Variants in SLC66A2 observed in about 807,000 individuals in gnomAD.
SLC66A2 encodes PQ loop repeat containing 1.
Under a neutral mutation model 25.5 loss-of-function variants are expected in SLC66A2, and 23 were observed. That is an observed-to-expected ratio of 0.90 (90% CI 0.65 to 1.28). SLC66A2 has a LOEUF of 1.28. Ranked by LOEUF, SLC66A2 falls within the 50% of genes most tolerant of loss-of-function variation. The pLI is 0.00. For missense variants in SLC66A2, 396 were observed against 373.1 expected (o/e 1.06, Z -0.51); for synonymous variants, 193 against 166.5 (o/e 1.16, Z -1.23).
intron 5 of SLC66A2, among the ~76,000 whole-genome samples, chr18:79,906,659 C>T (rs185141748): frequency 3.1e-4 from 47 of 152,330 alleles, no homozygotes; most frequent in African/African-American, 1.0e-3. Flanking sequence ...GAATGCCCAA[C>T]GGGCATCTGA....
At position 79,904,534 on chromosome 18, in the gene SLC66A2, G is replaced by A. The variant is rs1022375975; in HGVS notation, c.609-351C>T. Among the ~76,000 whole-genome samples the A allele has an allele frequency of 3.3e-5, 5 of 152,138 alleles. No homozygotes were observed. Among genetic ancestry groups the A allele is most frequent in the Admixed American group, 6.5e-5 (1 of 15,286 alleles). On this transcript the variant is annotated intron_variant, in intron 5 of 5. Transcript: ENST00000397778. This position sits in a 1 kb window ranked among gnomAD's most constrained non-coding sequence, Gnocchi z 6.3. Reference sequence around the variant, plus strand: ...AGCCCAAGAACAGTGAGACCAGCTCGAGGCTACAGGGGACAGCAGGGCGAG... The same window carrying A: ...AGCCCAAGAACAGTGAGACCAGCTCAAGGCTACAGGGGACAGCAGGGCGAG...
intron 4 of SLC66A2, among the ~76,000 whole-genome samples, chr18:79,931,181 G>A (rs572006205): frequency 1.3e-5 from 2 of 152,288 alleles, no homozygotes; most frequent in African/African-American, 4.8e-5. Flanking sequence ...AGGATATACA[G>A]AAACCAGAAA....
rs377124453 is a variant in SLC66A2, at chr18:79,916,271, G to A, written c.608+2913C>T. On this transcript the variant is annotated intron_variant, in intron 5 of 5. Coordinates refer to ENST00000397778, the MANE Select transcript of SLC66A2 (RefSeq NM_025078.5). Reference sequence around the variant, plus strand: ...GTGCTCTCATAGCCGCAGTGCTCCCGTACCCGTGGTGCTCCCGTACCCGTG... The same window carrying A: ...GTGCTCTCATAGCCGCAGTGCTCCCATACCCGTGGTGCTCCCGTACCCGTG... Among the ~76,000 whole-genome samples the A allele has an allele frequency of 5.1e-5, 7 of 136,334 alleles. 1 individual carries two copies. Among genetic ancestry groups the A allele is most frequent in the South Asian group, 2.6e-4 (1 of 3,818 alleles). The allele number at this position is 136,334 out of a possible 152,430, so 89.4% of individuals were successfully genotyped here. A position where few individuals can be genotyped will look rare whatever the true frequency, so the allele number is the denominator to read the frequency against.
rs772414143 is a variant in SLC66A2, at chr18:79,943,323, A to ATT, written c.337+5_337+6insAA. 9.0e-5 allele frequency: 145 copies of ATT among 1,610,672 alleles called. 1 individual carries two copies. The African/African-American group carries it at 1.7e-3, about 19-fold the overall frequency. The stretch of plus-strand genomic sequence containing the variant: ...GCGACTTTATTCCGAAGCGCCGGCC[A>ATT]CCAACCTGTAAAGGAGCGGCGCCTG... On this transcript the variant is annotated splice_donor_region_variant and intron_variant, in intron 3 of 5. Transcript: ENST00000397778.
At position 79,937,791 on chromosome 18, in the gene SLC66A2, CCA is replaced by C. The variant is rs1346567411; in HGVS notation, c.338-3771_338-3770del. ...CAAGGACAGAACACCTTGTCCTTGT[CCA>C]CATCCCAGGGACATAAAGACACGAG... On this transcript the variant is annotated intron_variant, in intron 3 of 5. Transcript: ENST00000397778. The surrounding 1 kb of genome is among the most constrained non-coding windows in gnomAD (Gnocchi z 5.4). Among the ~76,000 whole-genome samples, 1 of 152,052 alleles carries C rather than the reference CCA, an allele frequency of 6.6e-6. No individual in the cohort carries two copies. Among genetic ancestry groups the C allele is most frequent in the Non-Finnish European group, 1.5e-5 (1 of 68,012 alleles).
At chr18:79,905,099 G>A (rs1481711163) in intron 5 of SLC66A2, among the ~76,000 whole-genome samples, 3 of 152,190 alleles carry the variant, frequency 2.0e-5, no homozygotes, top group Non-Finnish European at 4.4e-5. Context: ...GAGACAGCCG[G>A]CATCTGCACC....
At chr18:79,943,618 C>T in intron 2 of SLC66A2, 156 bp from the exon 3 acceptor site, 1 of 851,982 alleles carries the variant, frequency 1.2e-6, no homozygotes, top group Non-Finnish European at 1.8e-6. Flanking sequence ...GTGTCAGGCC[C>T]ACCCACATCG....
rs1419795941 is a variant in SLC66A2, at chr18:79,917,047, AAGTG to A, written c.608+2133_608+2136del. Among the ~76,000 whole-genome samples, 9 of 152,326 alleles carry A rather than the reference AAGTG, an allele frequency of 5.9e-5. No individual in the cohort carries two copies. The highest frequency in any genetic ancestry group is 2.1e-4 in the South Asian group (1 of 4,832). On this transcript the variant is annotated intron_variant, in intron 5 of 5. Coordinates refer to ENST00000397778, the MANE Select transcript of SLC66A2 (RefSeq NM_025078.5). This position sits in a 1 kb window ranked among gnomAD's most constrained non-coding sequence, Gnocchi z 6.0. Reference sequence around the variant, plus strand: ...GGAAGTGTGTGTGCTGCTTGTGGTGAAGTGAGTGAGAACAGGAAAAGCACGTCCA... The same window carrying A: ...GGAAGTGTGTGTGCTGCTTGTGGTGAAGTGAGAACAGGAAAAGCACGTCCA...
intron 4 of SLC66A2, among the ~76,000 whole-genome samples, chr18:79,929,020 G>A (rs1290551068): frequency 2.0e-5 from 3 of 152,196 alleles, no homozygotes; most frequent in Non-Finnish European, 4.4e-5. Flanking sequence ...GAGCTCCGTA[G>A]CTCTCCCTAG....
At position 79,927,977 on chromosome 18, in the gene SLC66A2, CT is replaced by C. The variant is rs1986169900; in HGVS notation, c.391+5991del. On this transcript the variant is annotated intron_variant, in intron 4 of 5. Coordinates refer to ENST00000397778, the MANE Select transcript of SLC66A2 (RefSeq NM_025078.5). This position sits in a 1 kb window ranked among gnomAD's most constrained non-coding sequence, Gnocchi z 6.2. ...TCAGCCTCCTCTCATCTTCAGGAGC[CT>C]TTTCCCCCCTTTACCCTAACTGACA... 6.6e-6 allele frequency among the ~76,000 whole-genome samples: 1 copy of C among 152,226 alleles called. No individual in the cohort carries two copies. Among genetic ancestry groups the C allele is most frequent in the Non-Finnish European group, 1.5e-5 (1 of 68,042 alleles).
rs1028683761 is a variant in SLC66A2, at chr18:79,903,448, G to A, written c.*528C>T. 3 of 155,028 alleles carry A rather than the reference G, an allele frequency of 1.9e-5. No individual in the cohort carries two copies. The highest frequency in any genetic ancestry group is 2.0e-4 in the South Asian group (1 of 5,018). The allele number at this position is 155,028 out of a possible 1,614,324, so 9.6% of individuals were successfully genotyped here. ...CCTGCGTCCGCACAGCCGCCTTTCC[G>A]TGTGTACCAGGCAGAGAAAGCCCCA... On this transcript the variant is annotated 3_prime_UTR_variant, in exon 6 of 6. Transcript: ENST00000397778.
At chr18:79,905,097 C>T (rs955221694) in intron 5 of SLC66A2, among the ~76,000 whole-genome samples, 5 of 152,190 alleles carry the variant, frequency 3.3e-5, no homozygotes, top group South Asian at 2.1e-4. Flanking sequence ...AGGAGACAGC[C>T]GGCATCTGCA....
At chr18:79,922,598 C>CATA (rs1270661555) in intron 4 of SLC66A2, among the ~76,000 whole-genome samples, 1 of 152,102 alleles carries the variant, frequency 6.6e-6, no homozygotes, top group African/African-American at 2.4e-5. Context: ...AAACCACACT[C>CATA]ATAAGCACTC....
At chr18:79,911,094 A>G (rs4799105) in intron 5 of SLC66A2, among the ~76,000 whole-genome samples, 92,819 of 152,256 alleles carry the variant, frequency 0.61, 29,525 homozygotes, top group South Asian at 0.79. Flanking sequence ...CCAGGAAGGA[A>G]GAGCAGAGCC....
intron 5 of SLC66A2, chr18:79,915,895 A>G (rs1431640058): frequency 3.3e-5 from 5 of 152,722 alleles, no homozygotes; most frequent in Non-Finnish European, 5.8e-5. Flanking sequence ...AGCACCCCCA[A>G]TACTATTTTA....
rs564079418 is a variant in SLC66A2 at position 79,904,490 on chromosome 18, G to A, written c.609-307C>T. 2.0e-5 allele frequency among the ~76,000 whole-genome samples: 3 copies of A among 152,100 alleles called. No homozygotes were observed. Among genetic ancestry groups the A allele is most frequent in the East Asian group, 3.9e-4 (2 of 5,182 alleles). On this transcript the variant is annotated intron_variant, in intron 5 of 5. Coordinates refer to ENST00000397778, the MANE Select transcript of SLC66A2 (RefSeq NM_025078.5). The surrounding 1 kb of genome is among the most constrained non-coding windows in gnomAD (Gnocchi z 6.3). ...CTTCTCTGTGGCCGCAAGAGCTGCC[G>A]CCTGGCTGGGGCTCTGCAAGCCCAA...
intron 4 of SLC66A2, among the ~76,000 whole-genome samples, chr18:79,926,515 C>A (rs114779275): frequency 6.6e-6 from 1 of 152,088 alleles, no homozygotes; most frequent in Non-Finnish European, 1.5e-5. Context: ...ACCCACAGAT[C>A]GCACACTCGA....
At chr18:79,914,639 C>T (rs952903719) in intron 5 of SLC66A2, among the ~76,000 whole-genome samples, 3 of 152,198 alleles carry the variant, frequency 2.0e-5, no homozygotes, top group African/African-American at 7.2e-5. Flanking sequence ...ATCCACGGAG[C>T]GGTGGCCTGG....
At chr18:79,926,381 C>A (rs1985951497) in intron 4 of SLC66A2, among the ~76,000 whole-genome samples, 1 of 152,126 alleles carries the variant, frequency 6.6e-6, no homozygotes, top group Non-Finnish European at 1.5e-5. Context: ...CAGAGAATGC[C>A]AGAGAGCTTC....
Sources: gnomAD v4.1 joint callset for allele counts (sites outside exome capture counted in the v4.1 genomes callset) on GRCh38, gnomAD v4.1.1 for gene constraint, Gnocchi (gnomAD v3.1) non-coding constraint, MANE v1.5 for transcripts, NCBI Gene and HGNC (gene_info 2026-07-23, HGNC 2026-07-21) for gene names.